TMEM178B: variants seen among roughly 807,000 people sequenced by gnomAD.
The protein encoded by TMEM178B is transmembrane protein 178B.
A neutral mutation model predicts 31.0 loss-of-function variants in TMEM178B; 5 were observed. The observed-to-expected ratio is 0.16, with a 90% CI of 0.08 to 0.34. The LOEUF is 0.34. Among genes scored for constraint, TMEM178B ranks in the 10% least tolerant of loss-of-function variants. The pLI, the probability that TMEM178B is intolerant of heterozygous loss-of-function variation, is 1.00. For synonymous variants in TMEM178B, 164 were observed against 164.0 expected (o/e 1.00, Z 0.00); for missense variants, 275 against 400.3 (o/e 0.69, Z 2.67).
intron 2 of TMEM178B, among the ~76,000 whole-genome samples, chr7:141,335,709 T>C (rs1799373940): frequency 6.6e-6 from 1 of 152,200 alleles, no homozygotes; most frequent in Admixed American, 6.5e-5. Context: ...GCATCACAGA[T>C]GTGTTCATAG....
chr7:141,369,347 GTGTGTGTGTGTA>G (rs1186166616), intron 2 of TMEM178B, among the ~76,000 whole-genome samples: 198 of 150,898 alleles, frequency 1.3e-3, no homozygotes, highest in African/African-American at 3.8e-3. Flanking sequence ...GTGTGTGTGT[GTGTGTGTGTGTA>G]TGTGTGTGTG....
chr7:141,461,053 T>G lies in TMEM178B; in HGVS notation c.635-9483T>G, dbSNP rs1260685385. On this transcript the variant is annotated intron_variant, in intron 3 of 3. Coordinates refer to ENST00000565468, the MANE Select transcript of TMEM178B (RefSeq NM_001195278.2). The surrounding 1 kb of genome is among the most constrained non-coding windows in gnomAD (Gnocchi z 4.0). ...AGCTAAATGCGGCTGAAGCATTTAA[T>G]CTAAGCAAAGGCAGGGTTTTGTATC... is the stretch of plus-strand genomic sequence containing the variant. Among the ~76,000 whole-genome samples the G allele has an allele frequency of 6.6e-6, 1 of 152,230 alleles. No homozygotes were observed. Among genetic ancestry groups the G allele is most frequent in the Non-Finnish European group, 1.5e-5 (1 of 68,036 alleles).
At chr7:141,333,589 G>A (rs1191942711) in intron 2 of TMEM178B, among the ~76,000 whole-genome samples, 1 of 152,216 alleles carries the variant, frequency 6.6e-6, no homozygotes, top group Non-Finnish European at 1.5e-5. Context: ...CCTGACCATT[G>A]TGGCAGTACA....
At chr7:141,325,823 GA>G (rs10713278) in intron 2 of TMEM178B, among the ~76,000 whole-genome samples, 67,847 of 150,306 alleles carry the variant, frequency 0.45, 16,340 homozygotes, top group African/African-American at 0.64. Flanking sequence ...ACAGCCCTGG[GA>G]AAAAAAAAAG....
chr7:141,506,858 G>T, the TMEM178B span, among the ~76,000 whole-genome samples: 2 of 152,142 alleles, frequency 1.3e-5, no homozygotes, highest in African/African-American at 2.4e-5. Context: ...TACAATAGGG[G>T]TACAGGTATT....
rs535115646 is a variant in TMEM178B, at chr7:141,289,966, AC to A, written c.496+77264del. ...AGACCAGCCTGGGCAACATAGTGAG[AC>A]CTTGTCTCTCCTCCCCGCAACAAAA... On this transcript the variant is annotated intron_variant, in intron 2 of 3. Transcript: ENST00000565468. Among the ~76,000 whole-genome samples, 247 of 152,204 alleles carry A rather than the reference AC, an allele frequency of 1.6e-3. 2 individuals carry two copies. The highest frequency in any genetic ancestry group is 5.8e-3 in the African/African-American group (239 of 41,522).
At chr7:141,488,855 C>A in the TMEM178B span, among the ~76,000 whole-genome samples, 1 of 151,190 alleles carries the variant, frequency 6.6e-6, no homozygotes. Flanking sequence ...TTTATCTGCA[C>A]TAAGAACTGC....
chr7:141,180,697 T>G (rs1182299291), intron 1 of TMEM178B, among the ~76,000 whole-genome samples: 1 of 152,180 alleles, frequency 6.6e-6, no homozygotes, highest in Non-Finnish European at 1.5e-5. Context: ...ATTATCTTTT[T>G]AGTTTTCAAT....
At chr7:141,078,802 C>T (rs560929187) in intron 1 of TMEM178B, among the ~76,000 whole-genome samples, 2 of 152,020 alleles carry the variant, frequency 1.3e-5, no homozygotes, top group Non-Finnish European at 2.9e-5. Context: ...TATGCACAGC[C>T]ATAGAGGTGT....
rs1391429951 is a variant in TMEM178B, at chr7:141,478,756, C to G, written c.*7970C>G. ...GAAAACATCTCAGTCTGGCCCAGCC[C>G]TATTTCCAGTGTTCAATAGCCACAC... On this transcript the variant is annotated 3_prime_UTR_variant, in exon 4 of 4. Coordinates refer to ENST00000565468, the MANE Select transcript of TMEM178B (RefSeq NM_001195278.2). 6.6e-6 allele frequency: 1 copy of G among 152,142 alleles called. No individual in the cohort carries two copies. The highest frequency in any genetic ancestry group is 1.5e-5 in the Non-Finnish European group (1 of 68,030). 9.4% of individuals were successfully genotyped at this position (152,142 alleles called of 1,614,324 possible). A position where few individuals can be genotyped will look rare whatever the true frequency, so the allele number is the denominator to read the frequency against.
chr7:141,074,984 C>T lies in TMEM178B; in HGVS notation c.382+292C>T, dbSNP rs1401947700. On this transcript the variant is annotated intron_variant, in intron 1 of 3. Transcript: ENST00000565468. This position sits in a 1 kb window ranked among gnomAD's most constrained non-coding sequence, Gnocchi z 5.1. ...ATCCAGGATAATGCTTCATCAGCCTCTGAGAAGAAGGGAATCTGGAACGTT... is the reference window on the plus strand; with the variant it reads ...ATCCAGGATAATGCTTCATCAGCCTTTGAGAAGAAGGGAATCTGGAACGTT... 6.6e-6 allele frequency among the ~76,000 whole-genome samples: 1 copy of T among 152,200 alleles called. No individual in the cohort carries two copies. Among genetic ancestry groups the T allele is most frequent in the Non-Finnish European group, 1.5e-5 (1 of 68,022 alleles).
the TMEM178B span, among the ~76,000 whole-genome samples, chr7:141,509,607 AC>A: frequency 6.6e-6 from 1 of 152,126 alleles, no homozygotes; most frequent in African/African-American, 2.4e-5. Context: ...CCGAGATTGT[AC>A]CACTGCACTC....
intron 2 of TMEM178B, among the ~76,000 whole-genome samples, chr7:141,227,730 G>C (rs896484022): frequency 6.6e-6 from 1 of 152,164 alleles, no homozygotes; most frequent in Admixed American, 6.5e-5. Context: ...TATGAACTTC[G>C]CAAAATAGGG....
chr7:141,276,295 C>T (rs1415351763), intron 2 of TMEM178B, among the ~76,000 whole-genome samples: 4 of 152,076 alleles, frequency 2.6e-5, no homozygotes, highest in South Asian at 2.1e-4. Flanking sequence ...ACTCATGCAT[C>T]GCTGAACGAC....
chr7:141,419,850 G>A (rs970254568), intron 2 of TMEM178B, among the ~76,000 whole-genome samples: 4 of 152,104 alleles, frequency 2.6e-5, no homozygotes, highest in Admixed American at 6.6e-5. Context: ...AGATCACTAC[G>A]ATCTATTATA....
chr7:141,114,642 G>T (rs191366051), intron 1 of TMEM178B, among the ~76,000 whole-genome samples: 2 of 152,284 alleles, frequency 1.3e-5, no homozygotes, highest in Non-Finnish European at 2.9e-5. Context: ...AGTCTCCATG[G>T]GGCTGAGCTC....
At chr7:141,151,684 G>A (rs1795975592) in intron 1 of TMEM178B, among the ~76,000 whole-genome samples, 1 of 152,198 alleles carries the variant, frequency 6.6e-6, no homozygotes, top group Non-Finnish European at 1.5e-5. Flanking sequence ...GGAAGGCCAT[G>A]TGAACCCACG....
intron 2 of TMEM178B, among the ~76,000 whole-genome samples, chr7:141,320,574 C>T (rs1320585684): frequency 6.6e-6 from 1 of 152,188 alleles, no homozygotes; most frequent in East Asian, 1.9e-4. Context: ...GGAAATCCCT[C>T]ACACCTGGAG....
At chr7:141,079,399 C>T (rs1348680591) in intron 1 of TMEM178B, among the ~76,000 whole-genome samples, 1 of 152,224 alleles carries the variant, frequency 6.6e-6, no homozygotes, top group Non-Finnish European at 1.5e-5. Context: ...TTACAGTGAA[C>T]ATTCCCACCA....
Sources: gnomAD v4.1 joint callset for allele counts (sites outside exome capture counted in the v4.1 genomes callset) on GRCh38, gnomAD v4.1.1 for gene constraint, Gnocchi (gnomAD v3.1) non-coding constraint, MANE v1.5 for transcripts, NCBI Gene and HGNC (gene_info 2026-07-23, HGNC 2026-07-21) for gene names.